BAZ1A: variants seen among roughly 807,000 people sequenced by gnomAD.
BAZ1A encodes bromodomain adjacent to zinc finger domain 1A.
BAZ1A carries 50 observed loss-of-function variants against 185.2 expected under a neutral mutation model. That is an observed-to-expected ratio of 0.27 (90% CI 0.22 to 0.34). The LOEUF is 0.34. Among genes scored for constraint, BAZ1A ranks in the 10% least tolerant of loss-of-function variants. The probability of loss-of-function intolerance (pLI) is 1.00; values close to 1 mark genes in which losing one functional copy is unlikely to be tolerated. For missense variants in BAZ1A, 1,356 were observed against 1,839.9 expected (o/e 0.74, Z 4.81); for synonymous variants, 571 against 615.6 (o/e 0.93, Z 1.07).
intron 7 of BAZ1A, among the ~76,000 whole-genome samples, chr14:34,802,622 T>C (rs1881626188): frequency 6.6e-6 from 1 of 152,256 alleles, no homozygotes; most frequent in Non-Finnish European, 1.5e-5. Flanking sequence ...TTGCTTCCAC[T>C]TTGGTATAGA....
chr14:34,762,260 A>T (rs370494713), intron 23 of BAZ1A, 37 bp from the exon 24 acceptor site: 422 of 1,569,682 alleles, frequency 2.7e-4, no homozygotes, highest in Non-Finnish European at 3.4e-4. Context: ...TATTGTACAG[A>T]GCAATGATGA....
chr14:34,765,848 A>C (rs535277477), intron 21 of BAZ1A, among the ~76,000 whole-genome samples: 11 of 152,334 alleles, frequency 7.2e-5, no homozygotes, highest in African/African-American at 2.6e-4. Flanking sequence ...CATCTGATTA[A>C]ATGCTATCAA....
Position 34,776,425 on chromosome 14 carries a change from T to C in BAZ1A, c.2327A>G (p.Glu776Gly). 1 of 1,614,060 alleles carries C rather than the reference T, an allele frequency of 6.2e-7. No homozygotes were observed. The highest frequency in any genetic ancestry group is 1.1e-5 in the South Asian group (1 of 91,076). Reference protein sequence around the residue: ...TREPLTADEEEALKQEHQRKE... With the variant: ...TREPLTADEEGALKQEHQRKE... Reference sequence around the variant, plus strand: ...TCGTTGGTGTTCCTGTTTTAATGCTTCTTCCTCATCAGCAGTAAGAGGCTC... The same window carrying C: ...TCGTTGGTGTTCCTGTTTTAATGCTCCTTCCTCATCAGCAGTAAGAGGCTC... The change falls in exon 18 of 27, where the codon GAA becomes GGA. Residue 776 changes from glutamate (E) to glycine (G), a missense_variant. By Grantham distance (98) the Glu-to-Gly change is moderately conservative (BLOSUM62 -2). Around this residue, in one of 7 missense-constraint regions of BAZ1A, gnomAD observed 434 missense variants for 561.7 expected, o/e 0.77. Transcript: ENST00000360310.
Position 34,776,231 on chromosome 14 carries a change from G to A in BAZ1A, c.2521C>T (p.Pro841Ser). Reference sequence around the variant, plus strand: ...TGTACATTATTCTGAAATGATGAAGGTCTAGGCAACAGCATGTCTTCAGTA... The same window carrying A: ...TGTACATTATTCTGAAATGATGAAGATCTAGGCAACAGCATGTCTTCAGTA... ...GLTEDMLLPR[P>S]SSFQNNVQSQ... The change falls in exon 18 of 27, where the codon CCT (proline) becomes TCT (serine). Residue 841 changes from proline to serine, a missense_variant. Physicochemically the swap from Pro to Ser is moderately conservative, Grantham distance 74 (BLOSUM62 -1). Coordinates refer to ENST00000360310, the MANE Select transcript of BAZ1A (RefSeq NM_013448.3). 1 of 1,614,024 alleles carries A rather than the reference G, an allele frequency of 6.2e-7. No homozygotes were observed.
intron 20 of BAZ1A, among the ~76,000 whole-genome samples, chr14:34,772,284 T>G (rs1013069850): frequency 6.6e-6 from 1 of 152,076 alleles, no homozygotes; most frequent in African/African-American, 2.4e-5. Context: ...GCAAACTCAT[T>G]CACTCAAAGC....
At chr14:34,763,499 T>C (rs1878579805) in intron 23 of BAZ1A, among the ~76,000 whole-genome samples, 1 of 152,024 alleles carries the variant, frequency 6.6e-6, no homozygotes, top group Admixed American at 6.6e-5. Context: ...TGACTGGCTA[T>C]GGTCAGGCCT....
At chr14:34,814,666 G>T (rs933400249) in intron 4 of BAZ1A, among the ~76,000 whole-genome samples, 1 of 151,716 alleles carries the variant, frequency 6.6e-6, no homozygotes, top group South Asian at 2.1e-4. Context: ...GTAGAGACAG[G>T]GTTTCTCCAC....
chr14:34,775,761 C>A (rs962033078), intron 18 of BAZ1A, among the ~76,000 whole-genome samples, 158 bp downstream of exon 18: 1 of 152,158 alleles, frequency 6.6e-6, no homozygotes, highest in Non-Finnish European at 1.5e-5. Flanking sequence ...TACAGAAATA[C>A]ATTCCCAAAC....
At chr14:34,799,617 A>ATT (rs879332505) in intron 9 of BAZ1A, among the ~76,000 whole-genome samples, 1 of 146,182 alleles carries the variant, frequency 6.8e-6, no homozygotes, top group African/African-American at 2.5e-5. Flanking sequence ...AACATTATTC[A>ATT]TTTTTTTTTT....
At chr14:34,826,861 A>G (rs2042171793) in intron 3 of BAZ1A, among the ~76,000 whole-genome samples, 1 of 152,220 alleles carries the variant, frequency 6.6e-6, no homozygotes, top group South Asian at 2.1e-4. Context: ...CAGTGGACTG[A>G]GTCAGGGAAG....
chr14:34,834,854 A>G (rs1016390886), intron 3 of BAZ1A, among the ~76,000 whole-genome samples: 4 of 152,352 alleles, frequency 2.6e-5, no homozygotes, highest in East Asian at 1.9e-4. Flanking sequence ...ACCCAGCTAG[A>G]GGATCTTCAA....
intron 3 of BAZ1A, among the ~76,000 whole-genome samples, chr14:34,834,827 G>C (rs1197626213): frequency 6.6e-6 from 1 of 152,144 alleles, no homozygotes; most frequent in East Asian, 1.9e-4. Context: ...TAAAAAAACA[G>C]AGAATCATGA....
chr14:34,784,802 G>A (rs1594836102), intron 14 of BAZ1A, among the ~76,000 whole-genome samples: 1 of 152,056 alleles, frequency 6.6e-6, no homozygotes, highest in South Asian at 2.1e-4. Context: ...ACAGGCGTGA[G>A]CCACCGCGCC....
intron 21 of BAZ1A, chr14:34,768,785 T>G (rs1393711218): frequency 9.5e-6 from 4 of 422,340 alleles, no homozygotes; most frequent in African/African-American, 8.4e-5. Context: ...TTTTACCTAA[T>G]TTCAAACTGA....
intron 23 of BAZ1A, 116 bp downstream of exon 23, chr14:34,764,591 C>G: frequency 7.3e-7 from 1 of 1,374,914 alleles, no homozygotes; most frequent in Non-Finnish European, 9.8e-7. Flanking sequence ...CGTGTCCAGC[C>G]TATATATTAG....
rs140533332 is a variant in BAZ1A at position 34,782,760 on chromosome 14, C to A, written c.2111+359G>T. 1.6e-4 allele frequency among the ~76,000 whole-genome samples: 25 copies of A among 152,270 alleles called. 1 individual carries two copies. The East Asian group carries it at 4.8e-3, about 29-fold the overall frequency. The stretch of plus-strand genomic sequence containing the variant: ...TCAAATTCCTACTTGTTTTCATAGA[C>A]AATCCTATCTCAAATATTCTAAAAT... On this transcript the variant is annotated intron_variant, in intron 16 of 26. Coordinates refer to ENST00000360310, the MANE Select transcript of BAZ1A (RefSeq NM_013448.3).
intron 25 of BAZ1A, among the ~76,000 whole-genome samples, chr14:34,757,055 C>T (rs1165895800): frequency 6.6e-6 from 1 of 152,086 alleles, no homozygotes; most frequent in Non-Finnish European, 1.5e-5. Context: ...TTGTAACACA[C>T]CATCATTATT....
chr14:34,777,574 G>C (rs776150753), intron 17 of BAZ1A, among the ~76,000 whole-genome samples: 7 of 151,636 alleles, frequency 4.6e-5, no homozygotes, highest in Admixed American at 6.6e-5. Flanking sequence ...AACCCAGGAG[G>C]GGGAGGTTGC....
rs61988043 is a variant in BAZ1A at position 34,867,222 on chromosome 14, G to A, written c.114-4900C>T. On this transcript the variant is annotated intron_variant, in intron 2 of 26. Coordinates refer to ENST00000360310, the MANE Select transcript of BAZ1A (RefSeq NM_013448.3). The stretch of plus-strand genomic sequence containing the variant: ...TGCAGTGAGCTGAGATTGTGCCACT[G>A]CACTCCAGCCAGGGCAACAGAGCGA... Among the ~76,000 whole-genome samples the A allele has an allele frequency of 7.5e-3, 1,135 of 152,102 alleles. 6 individuals are homozygous for A. The highest frequency in any genetic ancestry group is 0.012 in the Non-Finnish European group (793 of 68,000).
Sources: gnomAD v4.1 joint callset for allele counts (sites outside exome capture counted in the v4.1 genomes callset) on GRCh38, gnomAD v4.1.1 for gene constraint, gnomAD v4.1.1 regional missense constraint, MANE v1.5 for transcripts, NCBI Gene and HGNC (gene_info 2026-07-23, HGNC 2026-07-21) for gene names.